Variants in SCRG1 observed in about 807,000 individuals in gnomAD.
SCRG1 encodes the protein stimulator of chondrogenesis 1.
A neutral mutation model predicts 7.7 loss-of-function variants in SCRG1; 3 were observed. The observed-to-expected ratio is 0.39, with a 90% CI of 0.18 to 1.01. SCRG1 has a LOEUF of 1.01. Ranked by LOEUF, SCRG1 falls within the 50% of genes least tolerant of loss-of-function variation. The pLI, the probability that SCRG1 is intolerant of heterozygous loss-of-function variation, is 0.36. For missense variants in SCRG1, 110 were observed against 117.2 expected (o/e 0.94, Z 0.28); for synonymous variants, 46 against 41.2 (o/e 1.12, Z -0.44).
chr4:173,386,901 C>T lies in SCRG1; in HGVS notation c.*1440G>A, dbSNP rs1739263029. ...GCCCAGATCTTAATAATGGCTGGCA[C>T]TTAGCAGGCTTTGAATACATTTTTA... is the stretch of plus-strand genomic sequence containing the variant. On this transcript the variant is annotated 3_prime_UTR_variant, in exon 3 of 3. Transcript: ENST00000296506. 6.6e-6 allele frequency: 1 copy of T among 152,178 alleles called. No homozygotes were observed. The highest frequency in any genetic ancestry group is 2.1e-4 in the South Asian group (1 of 4,832). 9.4% of individuals were successfully genotyped at this position (152,178 alleles called of 1,614,324 possible). A position where few individuals can be genotyped will look rare whatever the true frequency, so the allele number is the denominator to read the frequency against.
At chr4:173,468,028 C>T in the SCRG1 span, 343 of 152,642 alleles carry the variant, frequency 2.2e-3, 1 homozygote, top group African/African-American at 7.9e-3. Context: ...TAAAAGTTGC[C>T]AATTTATCCA....
upstream of SCRG1, chr4:173,404,040 ATGT>A (rs1486387280): frequency 1.3e-5 from 2 of 152,532 alleles, no homozygotes; most frequent in Non-Finnish European, 2.9e-5. Flanking sequence ...CATTTTGCAA[ATGT>A]TGTCTTATTT....
chr4:173,403,825 A>G (rs1320248664), upstream of SCRG1, among the ~76,000 whole-genome samples: 1 of 152,212 alleles, frequency 6.6e-6, no homozygotes, highest in Non-Finnish European at 1.5e-5. Flanking sequence ...TATTGGAGAC[A>G]ACCTACTCAC....
the SCRG1 span, among the ~76,000 whole-genome samples, chr4:173,456,111 C>T: frequency 6.6e-6 from 1 of 152,150 alleles, no homozygotes; most frequent in Non-Finnish European, 1.5e-5. Context: ...ACATTCAAGC[C>T]TTGACATCAC....
At chr4:173,487,058 G>T in the SCRG1 span, among the ~76,000 whole-genome samples, 2 of 152,174 alleles carry the variant, frequency 1.3e-5, no homozygotes, top group Non-Finnish European at 2.9e-5. Context: ...AAGAAAAAAA[G>T]TCTGAGGCCC....
the SCRG1 span, among the ~76,000 whole-genome samples, chr4:173,463,065 A>T: frequency 6.6e-6 from 1 of 152,300 alleles, no homozygotes; most frequent in Non-Finnish European, 1.5e-5. Context: ...ACAACCAGAA[A>T]ACAACTAACA....
the SCRG1 span, among the ~76,000 whole-genome samples, chr4:173,437,004 C>A: frequency 6.6e-6 from 1 of 152,144 alleles, no homozygotes. Context: ...GCTTCCATAC[C>A]CAAAATAACC....
chr4:173,433,009 G>C, the SCRG1 span, among the ~76,000 whole-genome samples: 23 of 152,196 alleles, frequency 1.5e-4, no homozygotes, highest in East Asian at 4.4e-3. Context: ...ACAGATATCA[G>C]AAAGCATGAA....
the SCRG1 span, among the ~76,000 whole-genome samples, chr4:173,512,892 T>C: frequency 6.6e-6 from 1 of 152,216 alleles, no homozygotes; most frequent in African/African-American, 2.4e-5. Flanking sequence ...TTTACCTTCA[T>C]GCCTTTTTGA....
At chr4:173,468,990 T>C in the SCRG1 span, 1 of 152,186 alleles carries the variant, frequency 6.6e-6, no homozygotes, top group East Asian at 1.9e-4. Flanking sequence ...TGCTCAAAAG[T>C]AGCCTGAGTA....
At chr4:173,422,226 G>A in the SCRG1 span, among the ~76,000 whole-genome samples, 3 of 152,144 alleles carry the variant, frequency 2.0e-5, no homozygotes, top group Non-Finnish European at 4.4e-5. Flanking sequence ...CAACAGCTGT[G>A]GTTTCCAAAG....
the SCRG1 span, among the ~76,000 whole-genome samples, chr4:173,462,351 T>C: frequency 8.2e-6 from 1 of 121,608 alleles, no homozygotes; most frequent in Non-Finnish European, 2.1e-5. Context: ...CCGATACTTC[T>C]GGCAGCAGAC....
the SCRG1 span, among the ~76,000 whole-genome samples, chr4:173,514,812 A>G: frequency 6.6e-6 from 1 of 152,248 alleles, no homozygotes; most frequent in Non-Finnish European, 1.5e-5. Flanking sequence ...AGTCCCAGCT[A>G]ATAAACAACT....
chr4:173,425,917 G>A, the SCRG1 span, among the ~76,000 whole-genome samples: 1 of 152,192 alleles, frequency 6.6e-6, no homozygotes, highest in Non-Finnish European at 1.5e-5. Flanking sequence ...CACACATTGA[G>A]CAAGAATGCT....
chr4:173,500,277 G>A, the SCRG1 span, among the ~76,000 whole-genome samples: 1 of 152,226 alleles, frequency 6.6e-6, no homozygotes, highest in Non-Finnish European at 1.5e-5. Context: ...GTGGGTCACA[G>A]GGCCTGCCCC....
the SCRG1 span, among the ~76,000 whole-genome samples, chr4:173,460,929 A>G: frequency 6.6e-6 from 1 of 152,342 alleles, no homozygotes; most frequent in Admixed American, 6.5e-5. Flanking sequence ...GTAGTCTGGC[A>G]GTACTCCTCA....
chr4:173,436,651 G>T, the SCRG1 span, among the ~76,000 whole-genome samples: 1 of 152,094 alleles, frequency 6.6e-6, no homozygotes, highest in Non-Finnish European at 1.5e-5. Context: ...GCCCATTAAA[G>T]TGCATAAGCT....
At chr4:173,417,249 T>A in the SCRG1 span, among the ~76,000 whole-genome samples, 5 of 152,260 alleles carry the variant, frequency 3.3e-5, no homozygotes, top group East Asian at 9.6e-4. Flanking sequence ...AAAACAAGCA[T>A]CTACAGGCAT....
chr4:173,510,920 C>A, the SCRG1 span, among the ~76,000 whole-genome samples: 2 of 152,208 alleles, frequency 1.3e-5, no homozygotes. This position sits in a 1 kb window ranked among gnomAD's most constrained non-coding sequence, Gnocchi z 5.7. Context: ...CTGGCGTAGA[C>A]AAAGAATAAC....
Sources: allele counts gnomAD v4.1 joint callset (sites outside exome capture counted in the v4.1 genomes callset), GRCh38; gene constraint gnomAD v4.1.1; non-coding constraint Gnocchi (gnomAD v3.1); transcripts MANE v1.5; gene names NCBI Gene and HGNC (gene_info 2026-07-23, HGNC 2026-07-21).